SAMMSON: variants seen among roughly 807,000 people sequenced by gnomAD.
SAMMSON encodes survival associated mitochondrial melanoma specific oncogenic non-coding RNA.
intron 6 of SAMMSON, among the ~76,000 whole-genome samples, chr3:70,280,930 C>T (rs1702076416): frequency 1.3e-5 from 2 of 152,120 alleles, no homozygotes; most frequent in South Asian, 4.1e-4. Flanking sequence ...AGTCTACTAG[C>T]ATTAGATCAT....
At chr3:70,291,602 C>T (rs145554505) in intron 7 of SAMMSON, among the ~76,000 whole-genome samples, 3 of 152,218 alleles carry the variant, frequency 2.0e-5, no homozygotes, top group East Asian at 1.9e-4. Flanking sequence ...CTGGGAACAT[C>T]GGATCCACAA....
intron 2 of SAMMSON, among the ~76,000 whole-genome samples, chr3:70,424,436 C>A (rs549589205): frequency 7.9e-5 from 12 of 151,996 alleles, no homozygotes; most frequent in African/African-American, 2.9e-4. Flanking sequence ...CACATTTTTT[C>A]AAATGATAAT....
intron 4 of SAMMSON, among the ~76,000 whole-genome samples, chr3:70,138,033 TAG>T (rs1296772416): frequency 2.0e-5 from 3 of 152,220 alleles, no homozygotes; most frequent in Non-Finnish European, 4.4e-5. Context: ...CTAAGAAATA[TAG>T]AGTCCCAGAA....
intron 3 of SAMMSON, among the ~76,000 whole-genome samples, chr3:70,029,293 C>G (rs150518819): frequency 1.3e-5 from 2 of 152,048 alleles, no homozygotes; most frequent in Non-Finnish European, 1.5e-5. Context: ...ATTTTAAAGT[C>G]TTTTAAACAT....
At chr3:70,176,506 AT>A (rs981009798) in intron 4 of SAMMSON, among the ~76,000 whole-genome samples, 1 of 152,106 alleles carries the variant, frequency 6.6e-6, no homozygotes, top group Non-Finnish European at 1.5e-5. Context: ...GAAATTTGGA[AT>A]TTTCTTTCTT....
chr3:70,415,551 G>A (rs1420248978), intron 2 of SAMMSON, among the ~76,000 whole-genome samples: 1 of 152,042 alleles, frequency 6.6e-6, no homozygotes, highest in African/African-American at 2.4e-5. Flanking sequence ...AATCAGAGCT[G>A]GAGGGAAAAA....
At chr3:70,008,713 T>G (rs2066940886) in intron 1 of SAMMSON, among the ~76,000 whole-genome samples, 1 of 152,218 alleles carries the variant, frequency 6.6e-6, no homozygotes, top group Non-Finnish European at 1.5e-5. Context: ...CCCTGTCTTG[T>G]GCCAGTTTTC....
chr3:70,382,249 A>G (rs952023552), intron 9 of SAMMSON, among the ~76,000 whole-genome samples: 9 of 152,122 alleles, frequency 5.9e-5, no homozygotes, highest in Admixed American at 4.6e-4. Context: ...TTGAATACAT[A>G]TATTTCTTCT....
intron 4 of SAMMSON, among the ~76,000 whole-genome samples, chr3:70,178,155 G>T (rs1235898265): frequency 2.6e-5 from 4 of 152,060 alleles, no homozygotes; most frequent in Non-Finnish European, 4.4e-5. Flanking sequence ...ATTGTCTTAT[G>T]AGGGCTCTTC....
intron 9 of SAMMSON, among the ~76,000 whole-genome samples, chr3:70,376,648 G>A (rs1338455125): frequency 6.6e-6 from 1 of 152,020 alleles, no homozygotes; most frequent in Non-Finnish European, 1.5e-5. Context: ...ACCTCTTTCA[G>A]TAGGCAAAAT....
intron 4 of SAMMSON, among the ~76,000 whole-genome samples, chr3:70,105,132 A>G (rs1576123038): frequency 6.6e-6 from 1 of 152,282 alleles, no homozygotes; most frequent in South Asian, 2.1e-4. Context: ...ATCAAGGGAA[A>G]TGTAACCCCA....
chr3:70,345,697 A>G (rs1272790061), intron 7 of SAMMSON, among the ~76,000 whole-genome samples: 1 of 151,954 alleles, frequency 6.6e-6, no homozygotes, highest in Non-Finnish European at 1.5e-5. Flanking sequence ...TACCATTTCC[A>G]TTGTTTTGCC....
intron 4 of SAMMSON, among the ~76,000 whole-genome samples, chr3:70,143,370 G>A (rs1334778157): frequency 6.6e-6 from 1 of 150,574 alleles, no homozygotes; most frequent in Non-Finnish European, 1.5e-5. Context: ...ATGTGTGAAT[G>A]TGTGTGTGTG....
intron 7 of SAMMSON, among the ~76,000 whole-genome samples, chr3:70,304,286 C>T (rs1253709158): frequency 6.6e-6 from 1 of 152,140 alleles, no homozygotes; most frequent in East Asian, 1.9e-4. Flanking sequence ...ATTTAATTTC[C>T]ATTTCTCTCC....
At chr3:70,104,770 C>T (rs945399444) in intron 4 of SAMMSON, among the ~76,000 whole-genome samples, 1 of 152,140 alleles carries the variant, frequency 6.6e-6, no homozygotes, top group Non-Finnish European at 1.5e-5. Flanking sequence ...GTGTGTATCT[C>T]TATGTGTGGG....
chr3:70,226,258 G>C (rs1315897402), intron 4 of SAMMSON, among the ~76,000 whole-genome samples: 1 of 152,148 alleles, frequency 6.6e-6, no homozygotes, highest in Admixed American at 6.5e-5. Context: ...GTAAGACCTG[G>C]CCTCTGCTTT....
chr3:70,276,088 A>G (rs1702023012), intron 6 of SAMMSON, among the ~76,000 whole-genome samples: 1 of 152,182 alleles, frequency 6.6e-6, no homozygotes, highest in Non-Finnish European at 1.5e-5. Context: ...ATTATAATTA[A>G]GATAATATGA....
Position 70,194,914 on chromosome 3 carries a change from AGAGG to A in SAMMSON, n.508-54190_508-54187del, listed in dbSNP as rs1445985845. On this transcript the variant is annotated intron_variant and non_coding_transcript_variant, in intron 4 of 9. Transcript: ENST00000642114. ...GGGGTGGGTGCTCAGAGAGGAGCCA[AGAGG>A]GATGGGACATAAGGAAGCACTAGGA... 4.6e-5 allele frequency among the ~76,000 whole-genome samples: 7 copies of A among 152,256 alleles called. No homozygotes were observed. The East Asian group carries it at 1.4e-3, about 29-fold the overall frequency.
At chr3:70,311,659 C>G (rs918367906) in intron 7 of SAMMSON, among the ~76,000 whole-genome samples, 4 of 151,920 alleles carry the variant, frequency 2.6e-5, no homozygotes, top group Non-Finnish European at 5.9e-5. Flanking sequence ...ACAAAGTAAT[C>G]TATGTTTCCT....
Sources: gnomAD v4.1 joint callset for allele counts (sites outside exome capture counted in the v4.1 genomes callset) on GRCh38, gnomAD v4.1.1 for gene constraint, MANE v1.5 for transcripts, NCBI Gene and HGNC (gene_info 2026-07-23, HGNC 2026-07-21) for gene names.